Variants in PCDHGA12 observed in about 807,000 individuals in gnomAD.
PCDHGA12 encodes protocadherin gamma subfamily A, 12.
In PCDHGA12, 43 loss-of-function variants were observed where a neutral mutation model predicts 61.1. The ratio of observed to expected loss-of-function variants is 0.70; its 90% CI spans 0.55 to 0.91. The LOEUF (loss-of-function observed/expected upper bound fraction) is 0.91. Ranked by LOEUF, PCDHGA12 falls within the 40% of genes least tolerant of loss-of-function variation. The pLI, the probability that PCDHGA12 is intolerant of heterozygous loss-of-function variation, is 0.00. For synonymous variants in PCDHGA12, 520 were observed against 542.9 expected (o/e 0.96, Z 0.59); for missense variants, 1,236 against 1,227.7 (o/e 1.01, Z -0.10).
rs780788394 is a variant in PCDHGA12 at position 141,491,675 on chromosome 5, C to T, written c.2425-3132C>T. ...GAGCCTGACGCCATCCGGTCCCGCT[C>T]TAATACGCTGCGGGAGCGGAGCCAG... On this transcript the variant is annotated intron_variant, in intron 1 of 3. Transcript: ENST00000252085. The surrounding 1 kb of genome is among the most constrained non-coding windows in gnomAD (Gnocchi z 6.9). 6 of 1,613,450 alleles carry T rather than the reference C, an allele frequency of 3.7e-6. No homozygotes were observed. The African/African-American group carries it at 8.0e-5, about 22-fold the overall frequency.
chr5:141,468,749 C>G (rs1237051053), intron 1 of PCDHGA12, among the ~76,000 whole-genome samples: 1 of 151,962 alleles, frequency 6.6e-6, no homozygotes, highest in Non-Finnish European at 1.5e-5. Context: ...GCCTGTAGTC[C>G]CAGCTACTCG....
At chr5:141,454,665 CA>C (rs2098795764) in intron 1 of PCDHGA12, among the ~76,000 whole-genome samples, 3 of 152,058 alleles carry the variant, frequency 2.0e-5, no homozygotes, top group Non-Finnish European at 4.4e-5. Flanking sequence ...CTCGGCCTCC[CA>C]AAACACTGGG....
In PCDHGA12 at chr5:141,490,261, G is replaced by T; in HGVS notation, c.2425-4546G>T. 6.2e-7 allele frequency: 1 copy of T among 1,614,218 alleles called. No individual in the cohort carries two copies. Among genetic ancestry groups the T allele is most frequent in the Non-Finnish European group, 8.5e-7 (1 of 1,180,038 alleles). ...CCACTGTGTGATTCAAGTGGATGTG[G>T]GGGATGTCAATGACAATGCCCCAGA... On this transcript the variant is annotated intron_variant, in intron 1 of 3. Coordinates refer to ENST00000252085, the MANE Select transcript of PCDHGA12 (RefSeq NM_003735.3). The surrounding 1 kb of genome is among the most constrained non-coding windows in gnomAD (Gnocchi z 5.4).
intron 1 of PCDHGA12, among the ~76,000 whole-genome samples, chr5:141,460,793 A>T (rs954317795): frequency 2.0e-4 from 30 of 152,024 alleles, no homozygotes; most frequent in Non-Finnish European, 2.9e-5. Flanking sequence ...TATACACACA[A>T]AGTATATATA....
intron 1 of PCDHGA12, among the ~76,000 whole-genome samples, chr5:141,466,443 C>T (rs906096545): frequency 6.6e-6 from 1 of 152,186 alleles, no homozygotes; most frequent in African/African-American, 2.4e-5. Context: ...ACCGAGATGT[C>T]TATGGTGTTG....
Position 141,477,393 on chromosome 5 carries a change from G to A in PCDHGA12, c.2425-17414G>A, listed in dbSNP as rs1397453429. On this transcript the variant is annotated intron_variant, in intron 1 of 3. Transcript: ENST00000252085. This position sits in a 1 kb window ranked among gnomAD's most constrained non-coding sequence, Gnocchi z 4.9. The stretch of plus-strand genomic sequence containing the variant: ...GAGACTGTGCCAGAATACAACCTCA[G>A]CATCACCGCCCGAGACGCCGGAACC... The A allele has an allele frequency of 5.6e-6, 9 of 1,614,098 alleles. No individual in the cohort carries two copies. Among genetic ancestry groups the A allele is most frequent in the Non-Finnish European group, 7.6e-6 (9 of 1,180,028 alleles).
rs1221067458 is a variant in PCDHGA12 at position 141,491,658 on chromosome 5, C to T, written c.2425-3149C>T. The T allele has an allele frequency of 3.1e-6, 5 of 1,613,822 alleles. No individual in the cohort carries two copies. The highest frequency in any genetic ancestry group is 2.2e-5 in the South Asian group (2 of 91,088). Reference sequence around the variant, plus strand: ...CCACAGCTCTGGCGCTGGAGCCTGACGCCATCCGGTCCCGCTCTAATACGC... The same window carrying T: ...CCACAGCTCTGGCGCTGGAGCCTGATGCCATCCGGTCCCGCTCTAATACGC... On this transcript the variant is annotated intron_variant, in intron 1 of 3. Coordinates refer to ENST00000252085, the MANE Select transcript of PCDHGA12 (RefSeq NM_003735.3). The surrounding 1 kb of genome is among the most constrained non-coding windows in gnomAD (Gnocchi z 6.9).
At chr5:141,467,565 C>A (rs2154569547) in intron 1 of PCDHGA12, among the ~76,000 whole-genome samples, 1 of 152,302 alleles carries the variant, frequency 6.6e-6, no homozygotes, top group East Asian at 1.9e-4. Context: ...TCCCAAATGG[C>A]TATCCAGTTG....
Position 141,432,211 on chromosome 5 carries a change from C to T in PCDHGA12, c.1452C>T (p.Asn484=). 6.2e-7 allele frequency: 1 copy of T among 1,614,232 alleles called. No homozygotes were observed. The highest frequency in any genetic ancestry group is 8.5e-7 in the Non-Finnish European group (1 of 1,180,044). The change falls in exon 1 of 4, where the codon AAC becomes AAT. Residue 484 remains asparagine (N), a synonymous_variant. Coordinates refer to ENST00000252085, the MANE Select transcript of PCDHGA12 (RefSeq NM_003735.3). The surrounding 1 kb of genome is among the most constrained non-coding windows in gnomAD (Gnocchi z 6.0). ...CCCACGACCCCGACTGTGAAGAGAA[C>T]GCCCAGATCACTTATTCCCTGGCTG... is the stretch of plus-strand genomic sequence containing the variant. ...VTAHDPDCEE[N]AQITYSLAEN... is the part of the protein sequence containing the mutation.
chr5:141,456,426 A>G (rs2098857765), intron 1 of PCDHGA12, among the ~76,000 whole-genome samples: 1 of 152,210 alleles, frequency 6.6e-6, no homozygotes, highest in Non-Finnish European at 1.5e-5. Context: ...AATTCAAGTT[A>G]TAGTATTGAG....
rs763104309 is a variant in PCDHGA12, at chr5:141,432,042, G to A, written c.1283G>A (p.Gly428Glu). 5 of 1,614,090 alleles carry A rather than the reference G, an allele frequency of 3.1e-6. No homozygotes were observed. The African/African-American group carries it at 6.7e-5, about 22-fold the overall frequency. ...YNITVTATDR[G>E]TPPLSTETHI... ...ATCACAGTGACCGCCACTGACCGGG[G>A]AACCCCGCCCCTATCCACGGAAACT... Residue 428 changes from glycine to glutamate, a missense_variant, in exon 1 of 4, where the codon GGA becomes GAA. Transcript: ENST00000252085. The surrounding 1 kb of genome is among the most constrained non-coding windows in gnomAD (Gnocchi z 6.0).
At position 141,489,385 on chromosome 5, in the gene PCDHGA12, G is replaced by C. The variant is rs893348832; in HGVS notation, c.2425-5422G>C. The stretch of plus-strand genomic sequence containing the variant: ...GCCGGGGACGCTGGTGGGGAATGTT[G>C]CTCAGGATCTGGGCTTAAAGATGAC... On this transcript the variant is annotated intron_variant, in intron 1 of 3. Transcript: ENST00000252085. This position sits in a 1 kb window ranked among gnomAD's most constrained non-coding sequence, Gnocchi z 4.5. The C allele has an allele frequency of 6.2e-7, 1 of 1,613,924 alleles. No individual in the cohort carries two copies. Among genetic ancestry groups the C allele is most frequent in the Non-Finnish European group, 8.5e-7 (1 of 1,179,896 alleles).
Position 141,481,023 on chromosome 5 carries a change from A to G in PCDHGA12, c.2425-13784A>G, listed in dbSNP as rs546827260. On this transcript the variant is annotated intron_variant, in intron 1 of 3. Transcript: ENST00000252085. ...CAGTGAGCCCAGATCACACCACTGC[A>G]CTCCAGCCTGGGCGACAGAGCGAGA... Among the ~76,000 whole-genome samples the G allele has an allele frequency of 9.0e-4, 137 of 152,218 alleles. 1 individual carries two copies. The highest frequency in any genetic ancestry group is 3.2e-3 in the African/African-American group (132 of 41,516).
Position 141,476,437 on chromosome 5 carries a change from TCTGGAGTTGGTAGTGGAGAACCC to T in PCDHGA12, c.2425-18369_2425-18347del. ...GGACACTGCCCTCTTGCACTGTAAC[TCTGGAGTTGGTAGTGGAGAACCC>T]GCTGGAGCTGTTCAGCGTGGAAGTG... On this transcript the variant is annotated intron_variant, in intron 1 of 3. Transcript: ENST00000252085. The surrounding 1 kb of genome is among the most constrained non-coding windows in gnomAD (Gnocchi z 7.6). 1 of 1,614,004 alleles carries T rather than the reference TCTGGAGTTGGTAGTGGAGAACCC, an allele frequency of 6.2e-7. No individual in the cohort carries two copies. The highest frequency in any genetic ancestry group is 2.2e-5 in the East Asian group (1 of 44,836).
chr5:141,499,689 C>CTTTTT (rs545067566), intron 2 of PCDHGA12, among the ~76,000 whole-genome samples: 5 of 119,848 alleles, frequency 4.2e-5, no homozygotes, highest in Admixed American at 8.7e-5. Context: ...TAACAGATGA[C>CTTTTT]TTTTTTTTTT....
chr5:141,459,699 A>G (rs2098973201), intron 1 of PCDHGA12, among the ~76,000 whole-genome samples: 1 of 152,218 alleles, frequency 6.6e-6, no homozygotes, highest in Non-Finnish European at 1.5e-5. Flanking sequence ...TCCGCTTGCT[A>G]CATTTTCTCA....
At position 141,431,119 on chromosome 5, in the gene PCDHGA12, A is replaced by C. The variant is rs147514897; in HGVS notation, c.360A>C (p.Glu120Asp). 1.2e-6 allele frequency: 2 copies of C among 1,614,134 alleles called. No individual in the cohort carries two copies. The highest frequency in any genetic ancestry group is 2.7e-5 in the African/African-American group (2 of 74,956). ...MEDKVKIYGV[E>D]VEVRDINDNA... ...ATAAAGTGAAAATATATGGAGTAGA[A>C]GTAGAAGTAAGGGACATTAACGACA... Residue 120 changes from glutamate to aspartate, a missense_variant, in exon 1 of 4, where the codon GAA becomes GAC. By Grantham distance (45) the Glu-to-Asp change is conservative. Coordinates refer to ENST00000252085, the MANE Select transcript of PCDHGA12 (RefSeq NM_003735.3). The surrounding 1 kb of genome is among the most constrained non-coding windows in gnomAD (Gnocchi z 4.8).
Position 141,489,866 on chromosome 5 carries a change from A to AGCTGGT in PCDHGA12, c.2425-4937_2425-4932dup. ...GATCGTGAAGCCCAGGCAAGACATC[A>AGCTGGT]GCTGGTGCTTACTGCTGTGGATGGG... On this transcript the variant is annotated intron_variant, in intron 1 of 3. Coordinates refer to ENST00000252085, the MANE Select transcript of PCDHGA12 (RefSeq NM_003735.3). The surrounding 1 kb of genome is among the most constrained non-coding windows in gnomAD (Gnocchi z 4.5). The AGCTGGT allele has an allele frequency of 1.2e-6, 2 of 1,614,220 alleles. No individual in the cohort carries two copies. The highest frequency in any genetic ancestry group is 1.7e-6 in the Non-Finnish European group (2 of 1,180,018).
At chr5:141,444,056 A>G (rs1055292734) in intron 1 of PCDHGA12, among the ~76,000 whole-genome samples, 7 of 151,740 alleles carry the variant, frequency 4.6e-5, no homozygotes, top group Non-Finnish European at 7.4e-5. Context: ...GGCATCTTCA[A>G]TCTAGATTCT....
Sources: allele counts gnomAD v4.1 joint callset (sites outside exome capture counted in the v4.1 genomes callset), GRCh38; gene constraint gnomAD v4.1.1; non-coding constraint Gnocchi (gnomAD v3.1); transcripts MANE v1.5; gene names NCBI Gene and HGNC (gene_info 2026-07-23, HGNC 2026-07-21).